Variants in MYH13 observed in about 807,000 individuals in gnomAD.
The protein encoded by MYH13 is myosin heavy chain 13, also known as myosin-13.
MYH13 carries 177 observed loss-of-function variants against 232.1 expected under a neutral mutation model. That is an observed-to-expected ratio of 0.76 (90% CI 0.67 to 0.86). The LOEUF is 0.86. MYH13 is among the 40% of genes least tolerant of loss of function. MYH13 has a pLI of 0.00. For synonymous variants in MYH13, 884 were observed against 923.5 expected (o/e 0.96, Z 0.78); for missense variants, 2,246 against 2,405.9 (o/e 0.93, Z 1.39).
intron 12 of MYH13, 105 bp from the exon 13 acceptor site, chr17:10,346,903 G>A: frequency 1.2e-6 from 1 of 800,446 alleles, no homozygotes; most frequent in East Asian, 2.7e-5. Context: ...TTTCTTAAAT[G>A]TTTTCATGTT....
Position 10,301,662 on chromosome 17 carries a change from G to T in MYH13, c.5709C>A (p.Val1903=). 1 of 1,614,098 alleles carries T rather than the reference G, an allele frequency of 6.2e-7. No individual in the cohort carries two copies. Among genetic ancestry groups the T allele is most frequent in the Non-Finnish European group, 8.5e-7 (1 of 1,180,018 alleles). The change falls in exon 40 of 41, where the codon GTC becomes GTA. Residue 1903 remains valine, a synonymous_variant. Transcript: ENST00000252172. ...CCGCGGCCTCCTCTAGCTCATGCTG[G>T]ACTCTCCGGCATCTGGACAGCTGCG... ...ANTQLSRCRR[V]QHELEEAAER...
At chr17:10,312,832 G>GA in intron 30 of MYH13, 75 bp from the exon 31 acceptor site, 3 of 1,467,186 alleles carry the variant, frequency 2.0e-6, no homozygotes, top group South Asian at 2.7e-5. Context: ...GATGGGAAGA[G>GA]AAATGAATAG....
intron 32 of MYH13, 149 bp from the exon 33 acceptor site, chr17:10,311,376 G>C: frequency 8.5e-6 from 8 of 938,950 alleles, no homozygotes; most frequent in Non-Finnish European, 1.1e-5. Context: ...GTGTTGGCAA[G>C]ACAGGGATGT....
chr17:10,363,926 A>T (rs565129541), intron 3 of MYH13, among the ~76,000 whole-genome samples: 37 of 152,314 alleles, frequency 2.4e-4, no homozygotes, highest in Non-Finnish European at 5.1e-4. Flanking sequence ...ATGTCCGGTA[A>T]GTACTGAATG....
intron 2 of MYH13, among the ~76,000 whole-genome samples, chr17:10,368,389 T>C (rs2071853514): frequency 6.6e-6 from 1 of 152,260 alleles, no homozygotes; most frequent in African/African-American, 2.4e-5. Flanking sequence ...GCTTGTCTGC[T>C]AGTTGGTCTT....
chr17:10,339,115 T>A (rs1156612407), intron 18 of MYH13, among the ~76,000 whole-genome samples: 1 of 151,200 alleles, frequency 6.6e-6, no homozygotes, highest in Non-Finnish European at 1.5e-5. Flanking sequence ...CGTATACCTC[T>A]GTTCACTCAT....
intron 3 of MYH13, 74 bp downstream of exon 3, chr17:10,364,253 C>A: frequency 7.0e-7 from 1 of 1,435,796 alleles, no homozygotes; most frequent in Admixed American, 1.9e-5. Context: ...GACCAGCATG[C>A]AATTTCTAAT....
chr17:10,369,139 C>A (rs2071860101), intron 2 of MYH13, among the ~76,000 whole-genome samples: 1 of 151,036 alleles, frequency 6.6e-6, no homozygotes, highest in Admixed American at 6.6e-5. Context: ...CAAAATTTGC[C>A]ATCAATTATA....
At chr17:10,312,165 C>T (rs546269948) in intron 31 of MYH13, 89 bp from the exon 32 acceptor site, 48 of 1,445,608 alleles carry the variant, frequency 3.3e-5, no homozygotes, top group Non-Finnish European at 4.2e-5. Context: ...GTAACACCAA[C>T]GTTTTGCCCT....
chr17:10,335,801 G>C (rs2071570028), intron 18 of MYH13, among the ~76,000 whole-genome samples: 1 of 152,116 alleles, frequency 6.6e-6, no homozygotes, highest in African/African-American at 2.4e-5. Flanking sequence ...AGGTTAAAAT[G>C]GTGAAAGCAG....
intron 11 of MYH13, 127 bp downstream of exon 11, chr17:10,354,553 C>G (rs979114911): frequency 1.2e-6 from 1 of 850,720 alleles, no homozygotes; most frequent in African/African-American, 1.7e-5. Context: ...CTCTTGATCT[C>G]TGAGATCTTG....
chr17:10,351,299 C>T (rs1231646510), intron 11 of MYH13, among the ~76,000 whole-genome samples: 2 of 150,144 alleles, frequency 1.3e-5, no homozygotes, highest in East Asian at 2.0e-4. Context: ...CTGGATGAGG[C>T]GATTGGGAAC....
At chr17:10,316,359 G>A (rs1156888459) in intron 27 of MYH13, among the ~76,000 whole-genome samples, 1 of 152,150 alleles carries the variant, frequency 6.6e-6, no homozygotes, top group African/African-American at 2.4e-5. Context: ...TACTCGGGAG[G>A]CTGAGGCAGG....
chr17:10,338,677 A>G (rs1173341845), intron 18 of MYH13, among the ~76,000 whole-genome samples: 1 of 142,982 alleles, frequency 7.0e-6, no homozygotes, highest in Non-Finnish European at 1.5e-5. Context: ...TTAAAATGCC[A>G]CTTTTATCCT....
At chr17:10,328,187 T>G in intron 21 of MYH13, 66 bp from the exon 22 acceptor site, 1 of 1,550,480 alleles carries the variant, frequency 6.4e-7, no homozygotes, top group Non-Finnish European at 8.7e-7. Flanking sequence ...CCCCAACCTG[T>G]CCCCGACGGA....
chr17:10,302,235 T>C (rs1431836021), intron 39 of MYH13, among the ~76,000 whole-genome samples: 3 of 152,090 alleles, frequency 2.0e-5, no homozygotes, highest in African/African-American at 7.2e-5. Flanking sequence ...CCAGTTCAAA[T>C]CTGCTTCCCT....
chr17:10,305,817 A>G (rs1374554803), intron 37 of MYH13, among the ~76,000 whole-genome samples: 2 of 152,238 alleles, frequency 1.3e-5, no homozygotes, highest in Non-Finnish European at 2.9e-5. Context: ...TCCCAGATAA[A>G]GAAAGAGCAG....
In MYH13 at chr17:10,311,999, G is replaced by C. The variant is rs1425984953; in HGVS notation, c.4443C>G (p.Leu1481=). ...TCCTCATCTTGAAGAGTTCAGTGCT[G>C]AGTGACCTGGACTCCTTCTGAGCAG... ...LEAAQKESRS[L]STELFKMRNA... Residue 1481 remains leucine (L), a synonymous_variant, in exon 32 of 41, where the codon CTC becomes CTG. Coordinates refer to ENST00000252172, the MANE Select transcript of MYH13 (RefSeq NM_003802.3). The C allele has an allele frequency of 1.2e-6, 2 of 1,614,000 alleles. No homozygotes were observed. The highest frequency in any genetic ancestry group is 1.7e-6 in the Non-Finnish European group (2 of 1,179,888).
chr17:10,359,857 T>G, intron 7 of MYH13, 103 bp downstream of exon 7: 1 of 1,015,358 alleles, frequency 9.8e-7, no homozygotes, highest in South Asian at 1.4e-5. Context: ...TTTTCCTATT[T>G]GCCGTTTCTA....
Sources: allele counts gnomAD v4.1 joint callset (sites outside exome capture counted in the v4.1 genomes callset), GRCh38; gene constraint gnomAD v4.1.1; transcripts MANE v1.5; gene names NCBI Gene and HGNC (gene_info 2026-07-23, HGNC 2026-07-21).